The following LIN28B variants were observed in gnomAD, a reference collection of about 807,000 sequenced individuals.
LIN28B encodes protein lin-28 homolog B.
In LIN28B, 5 loss-of-function variants were observed where a neutral mutation model predicts 21.9. The ratio of observed to expected loss-of-function variants is 0.23; its 90% CI spans 0.12 to 0.48. The LOEUF is 0.48. LIN28B is among the 20% of genes least tolerant of loss of function. LIN28B has a pLI of 0.98. For synonymous variants in LIN28B, 109 were observed against 111.3 expected (o/e 0.98, Z 0.13); for missense variants, 245 against 310.5 (o/e 0.79, Z 1.58).
At chr6:105,073,851 C>A (rs375982014) in intron 3 of LIN28B, among the ~76,000 whole-genome samples, 2 of 152,028 alleles carry the variant, frequency 1.3e-5, no homozygotes, top group East Asian at 1.9e-4. Flanking sequence ...ATATTTTAAC[C>A]TAGTGGTTGT....
chr6:105,049,114 A>G (rs540027806), intron 3 of LIN28B, among the ~76,000 whole-genome samples: 30 of 152,164 alleles, frequency 2.0e-4, no homozygotes, highest in Middle Eastern at 3.4e-3. Flanking sequence ...TAGAGTGTCA[A>G]TTTTAGATCT....
intron 2 of LIN28B, among the ~76,000 whole-genome samples, chr6:105,019,923 A>G (rs964144028): frequency 6.6e-6 from 1 of 152,116 alleles, no homozygotes; most frequent in African/African-American, 2.4e-5. Context: ...AGAGAAAAAA[A>G]TACTCTGATT....
Position 104,957,216 on chromosome 6 carries a change from C to T in LIN28B, c.-35C>T, listed in dbSNP as rs1246098400. ...TCCGTTCCAAAGGGAAAGTTTTCAT[C>T]TCACGAGTTTGGAGCTGAGGGCCCG... On this transcript the variant is annotated 5_prime_UTR_variant, in exon 1 of 4. Coordinates refer to ENST00000345080, the MANE Select transcript of LIN28B (RefSeq NM_001004317.4). The T allele has an allele frequency of 6.2e-6, 10 of 1,613,816 alleles. No individual in the cohort carries two copies. The highest frequency in any genetic ancestry group is 3.3e-5 in the Admixed American group (2 of 60,000).
intron 3 of LIN28B, among the ~76,000 whole-genome samples, chr6:105,049,109 T>G (rs1375646402): frequency 6.6e-6 from 1 of 152,194 alleles, no homozygotes; most frequent in Non-Finnish European, 1.5e-5. Flanking sequence ...GATGTTAGAG[T>G]GTCAATTTTA....
intron 3 of LIN28B, among the ~76,000 whole-genome samples, chr6:105,065,005 A>G (rs1006991059): frequency 6.6e-6 from 1 of 152,244 alleles, no homozygotes; most frequent in Non-Finnish European, 1.5e-5. Flanking sequence ...TATTAAGAGT[A>G]TTTGGACTTG....
At chr6:105,054,546 T>C (rs537243091) in intron 3 of LIN28B, among the ~76,000 whole-genome samples, 2 of 152,354 alleles carry the variant, frequency 1.3e-5, no homozygotes, top group East Asian at 1.9e-4. Flanking sequence ...CTTGCTCTTA[T>C]GGACAAAATG....
At chr6:105,045,282 C>G (rs1164224857) in intron 3 of LIN28B, among the ~76,000 whole-genome samples, 6 of 135,494 alleles carry the variant, frequency 4.4e-5, no homozygotes, top group Non-Finnish European at 3.1e-5. Flanking sequence ...GTATGTCATT[C>G]TGTTTTTTTT....
At chr6:105,026,622 T>C (rs976557383) in intron 3 of LIN28B, 140 bp downstream of exon 3, 10 of 582,094 alleles carry the variant, frequency 1.7e-5, no homozygotes, top group South Asian at 2.6e-5. Flanking sequence ...ATCAGAAATA[T>C]AGGCTATCTT....
At chr6:105,002,166 ATT>A (rs751548299) in intron 2 of LIN28B, among the ~76,000 whole-genome samples, 2,646 of 95,918 alleles carry the variant, frequency 0.028, 83 homozygotes, top group African/African-American at 0.093. Context: ...ATTCTCTGGT[ATT>A]TTTTTTTTTT....
chr6:105,004,376 C>T (rs947206500), intron 2 of LIN28B, among the ~76,000 whole-genome samples: 5 of 152,172 alleles, frequency 3.3e-5, no homozygotes, highest in Non-Finnish European at 4.4e-5. Context: ...TGCGCCTTTC[C>T]TCTCCACTCC....
intron 3 of LIN28B, among the ~76,000 whole-genome samples, chr6:105,070,026 A>G (rs1772301499): frequency 1.3e-5 from 2 of 151,736 alleles, no homozygotes; most frequent in African/African-American, 4.8e-5. Context: ...CTGAGGCATG[A>G]GTGAGTAACC....
chr6:105,021,047 G>T (rs1487916426), intron 2 of LIN28B, among the ~76,000 whole-genome samples: 1 of 151,980 alleles, frequency 6.6e-6, no homozygotes, highest in African/African-American at 2.4e-5. Flanking sequence ...GAGCCACCGC[G>T]CCTGGCCTAT....
intron 3 of LIN28B, among the ~76,000 whole-genome samples, chr6:105,070,592 C>CAACACACACACACACACACACACACACA (rs1772311771): frequency 1.1e-5 from 1 of 92,228 alleles, no homozygotes; most frequent in Non-Finnish European, 2.1e-5. Flanking sequence ...ATCAATAAAA[C>CAACACACACACACACACACACACACACA]CACACACACA....
intron 2 of LIN28B, among the ~76,000 whole-genome samples, chr6:105,025,518 A>G (rs945965029): frequency 2.0e-5 from 3 of 152,224 alleles, no homozygotes; most frequent in African/African-American, 7.2e-5. Flanking sequence ...ACGACGCAGT[A>G]ATGTATATAC....
At chr6:104,981,264 TA>T (rs1770218394) in intron 2 of LIN28B, among the ~76,000 whole-genome samples, 2 of 152,218 alleles carry the variant, frequency 1.3e-5, no homozygotes, top group Non-Finnish European at 1.5e-5. Flanking sequence ...TTTCTGGTGT[TA>T]AAAGCTTCTG....
At chr6:104,998,936 G>T (rs988821246) in intron 2 of LIN28B, among the ~76,000 whole-genome samples, 8 of 151,920 alleles carry the variant, frequency 5.3e-5, no homozygotes, top group African/African-American at 1.9e-4. Context: ...TAATTGAAAG[G>T]CCAATTGCAA....
chr6:105,034,884 G>A (rs533898536), intron 3 of LIN28B, among the ~76,000 whole-genome samples: 1 of 151,886 alleles, frequency 6.6e-6, no homozygotes, highest in Non-Finnish European at 1.5e-5. Context: ...CTTCCTTATT[G>A]AGGTGCTGTA....
In LIN28B at chr6:105,062,445, C is replaced by T. The variant is rs555435039; in HGVS notation, c.384-15969C>T. On this transcript the variant is annotated intron_variant, in intron 3 of 3. Coordinates refer to ENST00000345080, the MANE Select transcript of LIN28B (RefSeq NM_001004317.4). The stretch of plus-strand genomic sequence containing the variant: ...TCGTCAGCAACAGTTACCATTTGAC[C>T]CCAATGGACTGTTTTAAAATATATT... 2.6e-4 allele frequency among the ~76,000 whole-genome samples: 40 copies of T among 152,128 alleles called. 2 individuals are homozygous for T. The South Asian group carries it at 4.6e-3, about 17-fold the overall frequency.
At chr6:105,020,932 T>G (rs932008135) in intron 2 of LIN28B, among the ~76,000 whole-genome samples, 4 of 151,806 alleles carry the variant, frequency 2.6e-5, no homozygotes, top group African/African-American at 9.7e-5. Context: ...TTTTTTTGTA[T>G]TTTTAGTAGA....
Sources: gnomAD v4.1 joint callset for allele counts (sites outside exome capture counted in the v4.1 genomes callset) on GRCh38, gnomAD v4.1.1 for gene constraint, MANE v1.5 for transcripts, NCBI Gene and HGNC (gene_info 2026-07-23, HGNC 2026-07-21) for gene names.